The following RNF169 variants were observed in gnomAD, a reference collection of about 807,000 sequenced individuals.
The protein encoded by RNF169 is ring finger protein 169.
In RNF169, 24 loss-of-function variants were observed where a neutral mutation model predicts 53.9. The observed-to-expected ratio is 0.45, with a 90% confidence interval of 0.32 to 0.63. The LOEUF (loss-of-function observed/expected upper bound fraction) is 0.63. Ranked by LOEUF, RNF169 falls within the 20% of genes least tolerant of loss-of-function variation. RNF169 has a pLI of 0.04. For missense variants in RNF169, 883 were observed against 906.2 expected, an observed-to-expected ratio of 0.97 and a Z score of 0.33; for synonymous variants, 396 against 363.5, an observed-to-expected ratio of 1.09 and a Z score of -1.02.
rs555474247 is a variant in RNF169, at chr11:74,822,677, A to G, written c.842+4963A>G. On this transcript the variant is annotated intron_variant, in intron 4 of 5. Coordinates refer to ENST00000299563, the MANE Select transcript of RNF169 (RefSeq NM_001098638.2). ...GATCACTTCTCTCATTTCTCTGTCT[A>G]TGAATTGGGGATGATGACACCTGTG... Among the ~76,000 whole-genome samples the G allele has an allele frequency of 7.9e-5, 12 of 151,984 alleles. No homozygotes were observed. The East Asian group carries it at 1.9e-3, about 24-fold the overall frequency.
At position 74,785,650 on chromosome 11, in the gene RNF169, G is replaced by T. The variant is rs551102430; in HGVS notation, c.503-3976G>T. Among the ~76,000 whole-genome samples, 142 of 151,994 alleles carry T rather than the reference G, an allele frequency of 9.3e-4. 1 individual carries two copies. The highest frequency in any genetic ancestry group is 3.4e-3 in the Middle Eastern group (1 of 294). ...GTGTCATTTAATATAGCACAGTCCT[G>T]TTGGGGCAAAAAATGATCCTTAAAG... is the stretch of plus-strand genomic sequence containing the variant. On this transcript the variant is annotated intron_variant, in intron 1 of 5. Coordinates refer to ENST00000299563, the MANE Select transcript of RNF169 (RefSeq NM_001098638.2).
intron 1 of RNF169, among the ~76,000 whole-genome samples, chr11:74,763,194 A>T (rs183488510): frequency 6.6e-6 from 1 of 152,316 alleles, no homozygotes; most frequent in Non-Finnish European, 1.5e-5. Context: ...TCAGAAATTA[A>T]TATACAAACA....
intron 4 of RNF169, among the ~76,000 whole-genome samples, chr11:74,829,259 C>G (rs989125737): frequency 3.3e-5 from 5 of 152,184 alleles, no homozygotes; most frequent in African/African-American, 1.2e-4. Context: ...CGTTACTGAT[C>G]ATTAGAGAAA....
At chr11:74,779,160 T>A (rs554972808) in intron 1 of RNF169, among the ~76,000 whole-genome samples, 2 of 152,360 alleles carry the variant, frequency 1.3e-5, no homozygotes, top group East Asian at 3.9e-4. Flanking sequence ...AGTTTTGCGA[T>A]ATTTCAGATA....
chr11:74,754,175 A>C (rs1008123214), intron 1 of RNF169, among the ~76,000 whole-genome samples: 1 of 152,140 alleles, frequency 6.6e-6, no homozygotes, highest in Non-Finnish European at 1.5e-5. Flanking sequence ...TCTCTCTCTC[A>C]TGGAGCTTAT....
intron 1 of RNF169, among the ~76,000 whole-genome samples, chr11:74,784,246 G>A (rs2035456465): frequency 6.6e-6 from 1 of 152,170 alleles, no homozygotes; most frequent in Non-Finnish European, 1.5e-5. Flanking sequence ...ACTAACTTTA[G>A]AAGTTATCTG....
intron 2 of RNF169, among the ~76,000 whole-genome samples, chr11:74,794,810 G>T (rs2035624286): frequency 1.3e-5 from 2 of 152,152 alleles, no homozygotes; most frequent in African/African-American, 2.4e-5. Context: ...TAGGTTGTTT[G>T]TTTGAAGAGA....
intron 2 of RNF169, among the ~76,000 whole-genome samples, chr11:74,794,434 C>T (rs2035619526): frequency 6.6e-6 from 1 of 152,092 alleles, no homozygotes; most frequent in African/African-American, 2.4e-5. Flanking sequence ...GGATCGGAAA[C>T]TTTGATGGTG....
intron 1 of RNF169, among the ~76,000 whole-genome samples, chr11:74,761,289 T>A (rs920233180): frequency 6.8e-6 from 1 of 146,920 alleles, no homozygotes; most frequent in African/African-American, 2.5e-5. Flanking sequence ...TGTCTTTTAA[T>A]TGGAGAATTT....
At chr11:74,769,759 G>A (rs962058909) in intron 1 of RNF169, among the ~76,000 whole-genome samples, 1 of 152,166 alleles carries the variant, frequency 6.6e-6, no homozygotes, top group African/African-American at 2.4e-5. Context: ...TCAATAGCTT[G>A]AGTGAGAAAT....
chr11:74,842,111 G>A lies in RNF169; in HGVS notation c.*5381G>A, dbSNP rs1477677123. ...CCCTCCTGCCTAGAAAATAGGTTGTGTATTGGTTTTATTCAACCTGCTGTC... is the reference window on the plus strand; with the variant it reads ...CCCTCCTGCCTAGAAAATAGGTTGTATATTGGTTTTATTCAACCTGCTGTC... On this transcript the variant is annotated 3_prime_UTR_variant, in exon 6 of 6. Coordinates refer to ENST00000299563, the MANE Select transcript of RNF169 (RefSeq NM_001098638.2). 2.6e-5 allele frequency: 4 copies of A among 151,974 alleles called. No homozygotes were observed. The highest frequency in any genetic ancestry group is 9.7e-5 in the African/African-American group (4 of 41,356). The allele number at this position is 151,974 out of a possible 1,614,324, so 9.4% of individuals were successfully genotyped here.
At position 74,758,504 on chromosome 11, in the gene RNF169, A is replaced by C. The variant is rs575864359; in HGVS notation, c.502+9122A>C. On this transcript the variant is annotated intron_variant, in intron 1 of 5. Transcript: ENST00000299563. ...CGGGCTCTTTTTTGGTTCCATATGA[A>C]CTTTTTTTTTTTTTTGAGACGGAGT... 6.7e-5 allele frequency among the ~76,000 whole-genome samples: 10 copies of C among 148,306 alleles called. No individual in the cohort carries two copies. The East Asian group carries it at 2.0e-3, about 29-fold the overall frequency.
At chr11:74,791,497 C>T (rs907159181) in intron 2 of RNF169, among the ~76,000 whole-genome samples, 10 of 152,268 alleles carry the variant, frequency 6.6e-5, no homozygotes, top group Admixed American at 5.9e-4. Flanking sequence ...CCAAGCTGCT[C>T]TCAGCACCCC....
intron 1 of RNF169, among the ~76,000 whole-genome samples, chr11:74,767,168 AAACACAGACTG>A (rs1392520582): frequency 6.6e-6 from 1 of 152,122 alleles, no homozygotes; most frequent in Non-Finnish European, 1.5e-5. Context: ...ATCTCAGGTG[AAACACAGACTG>A]AATCGAGTAG....
At chr11:74,753,322 C>G (rs1333940553) in intron 1 of RNF169, among the ~76,000 whole-genome samples, 1 of 152,006 alleles carries the variant, frequency 6.6e-6, no homozygotes, top group African/African-American at 2.4e-5. Context: ...AAAACTGAGG[C>G]CCAGAACAGA....
At chr11:74,802,891 T>C (rs554849526) in intron 2 of RNF169, among the ~76,000 whole-genome samples, 59 of 149,534 alleles carry the variant, frequency 3.9e-4, no homozygotes, top group African/African-American at 1.4e-3. Context: ...GGAAAAGGGA[T>C]TTGAAAACAA....
intron 4 of RNF169, among the ~76,000 whole-genome samples, chr11:74,827,445 A>G (rs762161417): frequency 3.3e-5 from 5 of 152,240 alleles, no homozygotes; most frequent in Non-Finnish European, 7.3e-5. Flanking sequence ...TGTCTTGGCA[A>G]TTAACATTTG....
At chr11:74,788,302 A>C (rs1037463951) in intron 1 of RNF169, among the ~76,000 whole-genome samples, 25 of 150,224 alleles carry the variant, frequency 1.7e-4, no homozygotes, top group African/African-American at 6.1e-4. Context: ...CATAAACATA[A>C]ACACACACAC....
chr11:74,836,812 T>C lies in RNF169; in HGVS notation c.*82T>C. Reference sequence around the variant, plus strand: ...GAAGAGCTGAGTGTTCTCACTTTGGTTTTATTTTAATGGCAAAACACTGTC... The same window carrying C: ...GAAGAGCTGAGTGTTCTCACTTTGGCTTTATTTTAATGGCAAAACACTGTC... On this transcript the variant is annotated 3_prime_UTR_variant, in exon 6 of 6. Transcript: ENST00000299563. The C allele has an allele frequency of 8.9e-7, 1 of 1,129,390 alleles. No homozygotes were observed. Among genetic ancestry groups the C allele is most frequent in the South Asian group, 1.5e-5 (1 of 64,862 alleles). 70.0% of individuals were successfully genotyped at this position (1,129,390 alleles called of 1,614,324 possible). A position where few individuals can be genotyped will look rare whatever the true frequency, so the allele number is the denominator to read the frequency against.
Sources: allele counts gnomAD v4.1 joint callset (sites outside exome capture counted in the v4.1 genomes callset), GRCh38; gene constraint gnomAD v4.1.1; transcripts MANE v1.5; gene names NCBI Gene and HGNC (gene_info 2026-07-23, HGNC 2026-07-21).